Variants in MGAT4C observed in about 807,000 individuals in gnomAD.
MGAT4C encodes the protein MGAT4 family member C.
MGAT4C carries 19 observed loss-of-function variants against 40.1 expected under a neutral mutation model. The ratio of observed to expected loss-of-function variants is 0.47; its 90% CI spans 0.33 to 0.70. The LOEUF (loss-of-function observed/expected upper bound fraction) is 0.70. Among genes scored for constraint, MGAT4C ranks in the 30% least tolerant of loss-of-function variants. MGAT4C has a pLI of 0.02. For synonymous variants in MGAT4C, 181 were observed against 187.1 expected (o/e 0.97, Z 0.27); for missense variants, 491 against 563.2 (o/e 0.87, Z 1.30).
chr12:86,484,561 A>T (rs1424919527), intron 2 of MGAT4C, among the ~76,000 whole-genome samples: 1 of 152,220 alleles, frequency 6.6e-6, no homozygotes, highest in Non-Finnish European at 1.5e-5. Flanking sequence ...AAAAGGATGT[A>T]GCTGAGTGTT....
chr12:86,665,417 C>T (rs547697326), intron 2 of MGAT4C, among the ~76,000 whole-genome samples: 2 of 151,824 alleles, frequency 1.3e-5, no homozygotes, highest in Non-Finnish European at 1.5e-5. Context: ...TGCTCTGTCA[C>T]CTCGGCTGGA....
intron 1 of MGAT4C, among the ~76,000 whole-genome samples, chr12:86,210,675 G>T (rs535437599): frequency 6.6e-6 from 1 of 152,278 alleles, no homozygotes; most frequent in South Asian, 2.1e-4. Flanking sequence ...TCATTGATCT[G>T]TAGCTAATTA....
At chr12:86,706,507 C>T (rs569426928) in intron 2 of MGAT4C, among the ~76,000 whole-genome samples, 30 of 152,238 alleles carry the variant, frequency 2.0e-4, no homozygotes, top group Non-Finnish European at 3.8e-4. Flanking sequence ...ATCCTCCTGC[C>T]TTAGCCTTCC....
At chr12:86,331,859 A>G (rs1954676619) in intron 4 of MGAT4C, among the ~76,000 whole-genome samples, 1 of 152,154 alleles carries the variant, frequency 6.6e-6, no homozygotes, top group African/African-American at 2.4e-5. Flanking sequence ...ATACAACCTA[A>G]TAGGTTGTAT....
intron 4 of MGAT4C, among the ~76,000 whole-genome samples, chr12:86,314,779 C>T (rs986926321): frequency 6.0e-4 from 92 of 152,068 alleles, no homozygotes; most frequent in African/African-American, 2.1e-3. Flanking sequence ...CGTAAGAATA[C>T]AATTATCTAA....
chr12:86,234,441 A>C (rs1194449367), intron 1 of MGAT4C, among the ~76,000 whole-genome samples: 1 of 152,180 alleles, frequency 6.6e-6, no homozygotes, highest in Non-Finnish European at 1.5e-5. Flanking sequence ...TGCACACTTG[A>C]GAGAAACTCT....
chr12:86,314,376 GA>G (rs1268265531), intron 4 of MGAT4C, among the ~76,000 whole-genome samples: 2 of 152,140 alleles, frequency 1.3e-5, no homozygotes, highest in African/African-American at 4.8e-5. Flanking sequence ...CCAACATGGT[GA>G]ACTGGAATAA....
chr12:86,143,213 C>T (rs1415197355), intron 1 of MGAT4C, among the ~76,000 whole-genome samples: 1 of 152,124 alleles, frequency 6.6e-6, no homozygotes, highest in Admixed American at 6.5e-5. Flanking sequence ...CTGGGATCCT[C>T]CAAATTTCTA....
chr12:85,990,971 G>T (rs1380395548), intron 2 of MGAT4C, among the ~76,000 whole-genome samples: 1 of 152,146 alleles, frequency 6.6e-6, no homozygotes, highest in Non-Finnish European at 1.5e-5. Context: ...TTGCTTTTCT[G>T]ATCAGAAACC....
chr12:86,783,317 T>C (rs926408863), intron 1 of MGAT4C, among the ~76,000 whole-genome samples: 10 of 152,262 alleles, frequency 6.6e-5, no homozygotes, highest in African/African-American at 2.4e-4. Flanking sequence ...AAATACTTAT[T>C]AGTATGAATG....
intron 2 of MGAT4C, among the ~76,000 whole-genome samples, chr12:86,626,530 G>A (rs1465701946): frequency 6.6e-6 from 1 of 152,120 alleles, no homozygotes; most frequent in South Asian, 2.1e-4. Flanking sequence ...CTATAAGGCA[G>A]TACAGATTAA....
At chr12:86,107,598 G>A (rs10506928) in intron 1 of MGAT4C, among the ~76,000 whole-genome samples, 11,468 of 152,108 alleles carry the variant, frequency 0.075, 588 homozygotes, top group Middle Eastern at 0.21. Context: ...TAGTCCCTCC[G>A]TTAATTAGAG....
At chr12:86,447,807 T>C (rs1957364848) in intron 2 of MGAT4C, among the ~76,000 whole-genome samples, 1 of 152,170 alleles carries the variant, frequency 6.6e-6, no homozygotes. Context: ...AATGTTTGCC[T>C]ACTTAGGTGT....
chr12:86,324,432 AATTTT>A (rs1461741660), intron 4 of MGAT4C, among the ~76,000 whole-genome samples: 2 of 151,872 alleles, frequency 1.3e-5, no homozygotes, highest in South Asian at 2.1e-4. Flanking sequence ...ATTCTACATT[AATTTT>A]ATTTTATTTT....
intron 4 of MGAT4C, among the ~76,000 whole-genome samples, chr12:86,301,827 A>G (rs1315117344): frequency 6.6e-6 from 1 of 152,230 alleles, no homozygotes; most frequent in African/African-American, 2.4e-5. Flanking sequence ...TGCTACGTGC[A>G]CTGATGCAAT....
intron 2 of MGAT4C, among the ~76,000 whole-genome samples, chr12:86,580,860 G>A (rs1056173903): frequency 1.3e-5 from 2 of 151,402 alleles, no homozygotes; most frequent in African/African-American, 2.4e-5. Context: ...GAGCAAAAAA[G>A]GGTAATATTT....
chr12:86,396,332 T>C (rs1956261658), intron 3 of MGAT4C, among the ~76,000 whole-genome samples: 1 of 152,206 alleles, frequency 6.6e-6, no homozygotes, highest in African/African-American at 2.4e-5. Flanking sequence ...GTGAGAACCT[T>C]AAAAAATATA....
chr12:86,077,226 A>T (rs536845484), intron 1 of MGAT4C, among the ~76,000 whole-genome samples: 14 of 152,282 alleles, frequency 9.2e-5, no homozygotes, highest in African/African-American at 3.1e-4. Flanking sequence ...ACTTGAACCC[A>T]TACACATCTC....
At chr12:86,815,635 A>G (rs1025076839) in intron 1 of MGAT4C, among the ~76,000 whole-genome samples, 1 of 151,202 alleles carries the variant, frequency 6.6e-6, no homozygotes, top group South Asian at 2.1e-4. Context: ...GATATTATAT[A>G]ATATTATATA....
Sources: allele counts gnomAD v4.1 joint callset (sites outside exome capture counted in the v4.1 genomes callset), GRCh38; gene constraint gnomAD v4.1.1; transcripts MANE v1.5; gene names NCBI Gene and HGNC (gene_info 2026-07-23, HGNC 2026-07-21).